REDIC1: variants seen among roughly 807,000 people sequenced by gnomAD.
The protein encoded by REDIC1 is regulator of DNA class I crossover intermediates 1.
At chr12:39,672,666 C>T in the REDIC1 span, among the ~76,000 whole-genome samples, 4 of 152,130 alleles carry the variant, frequency 2.6e-5, no homozygotes, top group African/African-American at 7.2e-5. Context: ...TGGTGTGCTA[C>T]ACCACCTTTT....
the REDIC1 span, among the ~76,000 whole-genome samples, chr12:39,677,027 G>A: frequency 5.6e-5 from 8 of 141,600 alleles, no homozygotes; most frequent in Non-Finnish European, 9.2e-5. Context: ...ATAACACAAT[G>A]AAAAAAAAAA....
chr12:39,665,017 T>C, the REDIC1 span, among the ~76,000 whole-genome samples: 8 of 152,352 alleles, frequency 5.3e-5, no homozygotes, highest in African/African-American at 1.9e-4. Context: ...TCCCATTCTG[T>C]AGGTTGCCTG....
At chr12:39,792,799 T>C in the REDIC1 span, among the ~76,000 whole-genome samples, 2 of 27,908 alleles carry the variant, frequency 7.2e-5, no homozygotes, top group East Asian at 3.1e-3. Context: ...TGGCTGTATT[T>C]AATGAAAAAA....
the REDIC1 span, among the ~76,000 whole-genome samples, chr12:39,744,744 A>G: frequency 6.6e-6 from 1 of 152,220 alleles, no homozygotes; most frequent in Non-Finnish European, 1.5e-5. Context: ...ATAACATAAA[A>G]TGCTCAGTTA....
chr12:39,844,715 T>C, the REDIC1 span, among the ~76,000 whole-genome samples: 2 of 152,054 alleles, frequency 1.3e-5, no homozygotes, highest in African/African-American at 4.8e-5. Context: ...AAGAAGCAAG[T>C]GGGGTCTCTA....
At chr12:39,727,172 A>G in the REDIC1 span, among the ~76,000 whole-genome samples, 11 of 152,186 alleles carry the variant, frequency 7.2e-5, no homozygotes, top group South Asian at 4.1e-4. Context: ...CCATTTGTCA[A>G]TTTTGGCTTT....
At chr12:39,749,619 G>A in the REDIC1 span, among the ~76,000 whole-genome samples, 1 of 151,432 alleles carries the variant, frequency 6.6e-6, no homozygotes, top group Admixed American at 6.6e-5. Context: ...CACAACATAA[G>A]AGAATTTTAG....
chr12:39,629,024 A>G, the REDIC1 span, among the ~76,000 whole-genome samples: 1 of 152,186 alleles, frequency 6.6e-6, no homozygotes. Context: ...AAAGTAAATA[A>G]AAGTACCACA....
At chr12:39,825,795 G>A in the REDIC1 span, among the ~76,000 whole-genome samples, 1 of 151,672 alleles carries the variant, frequency 6.6e-6, no homozygotes, top group East Asian at 1.9e-4. Context: ...GTATTTCTTT[G>A]CTTTGCACTT....
the REDIC1 span, among the ~76,000 whole-genome samples, chr12:39,659,524 C>T: frequency 6.6e-6 from 1 of 152,054 alleles, no homozygotes; most frequent in Middle Eastern, 3.2e-3. Context: ...TCTTCCACGT[C>T]CATAATTGTA....
chr12:39,754,775 C>T, the REDIC1 span, among the ~76,000 whole-genome samples: 1 of 151,940 alleles, frequency 6.6e-6, no homozygotes, highest in Non-Finnish European at 1.5e-5. Context: ...TCAAGGGTTC[C>T]TAAGCACCAC....
chr12:39,666,338 T>C, the REDIC1 span, among the ~76,000 whole-genome samples: 8 of 152,132 alleles, frequency 5.3e-5, no homozygotes, highest in Non-Finnish European at 1.5e-5. Flanking sequence ...TGGCTTTTGT[T>C]GTTGGTTCTG....
chr12:39,755,828 G>A, the REDIC1 span: 1 of 151,924 alleles, frequency 6.6e-6, no homozygotes, highest in African/African-American at 2.4e-5. Flanking sequence ...AAATTATATT[G>A]TTTTAGCTCA....
At chr12:39,755,086 CT>C in the REDIC1 span, 2 of 151,794 alleles carry the variant, frequency 1.3e-5, no homozygotes, top group Admixed American at 6.6e-5. Context: ...GGCACTGACA[CT>C]TTTTTTAAAA....
At chr12:39,728,298 T>A in the REDIC1 span, among the ~76,000 whole-genome samples, 1 of 152,316 alleles carries the variant, frequency 6.6e-6, no homozygotes, top group Middle Eastern at 3.4e-3. Context: ...ATAGCTCTTA[T>A]TATTTTGAGA....
At chr12:39,845,734 CACA>C in the REDIC1 span, among the ~76,000 whole-genome samples, 3 of 152,124 alleles carry the variant, frequency 2.0e-5, no homozygotes, top group Non-Finnish European at 4.4e-5. Flanking sequence ...CATTTGCTCT[CACA>C]ACTAGACCCT....
At chr12:39,637,082 TTCTC>T in the REDIC1 span, among the ~76,000 whole-genome samples, 3 of 151,832 alleles carry the variant, frequency 2.0e-5, no homozygotes, top group Non-Finnish European at 2.9e-5. Flanking sequence ...TTTCTCTCCT[TTCTC>T]TTCCCTTCTC....
the REDIC1 span, among the ~76,000 whole-genome samples, chr12:39,839,820 A>G: frequency 6.6e-6 from 1 of 152,110 alleles, no homozygotes; most frequent in South Asian, 2.1e-4. Context: ...TACACTTCCA[A>G]TTGCCCAGTT....
At chr12:39,674,471 C>T in the REDIC1 span, among the ~76,000 whole-genome samples, 1 of 152,134 alleles carries the variant, frequency 6.6e-6, no homozygotes, top group East Asian at 1.9e-4. Flanking sequence ...CCAAAAAGCA[C>T]TGCAGAAACA....
Sources: gnomAD v4.1 joint callset for allele counts (sites outside exome capture counted in the v4.1 genomes callset) on GRCh38, gnomAD v4.1.1 for gene constraint, MANE v1.5 for transcripts, NCBI Gene and HGNC (gene_info 2026-07-23, HGNC 2026-07-21) for gene names.